The following EPS15 variants were observed in gnomAD, a reference collection of about 807,000 sequenced individuals.
The protein encoded by EPS15 is epidermal growth factor receptor substrate 15.
EPS15 carries 72 observed loss-of-function variants against 113.8 expected under a neutral mutation model. The ratio of observed to expected loss-of-function variants is 0.63; its 90% confidence interval spans 0.52 to 0.77. The LOEUF is 0.77. Ranked by LOEUF, EPS15 falls within the 30% of genes least tolerant of loss-of-function variation. The probability of loss-of-function intolerance (pLI) is 0.00; values close to 1 mark genes in which losing one functional copy is unlikely to be tolerated. For synonymous variants in EPS15, 344 were observed against 363.4 expected (o/e 0.95, Z 0.61); for missense variants, 1,048 against 1,045.8 (o/e 1.00, Z -0.03).
chr1:51,518,914 T>A (rs1644784486), intron 1 of EPS15, among the ~76,000 whole-genome samples: 1 of 151,216 alleles, frequency 6.6e-6, no homozygotes, highest in Non-Finnish European at 1.5e-5. Flanking sequence ...CGCGGCCGGG[T>A]CACAGTCCAC....
In EPS15 at chr1:51,481,326, ACATT is replaced by A. The variant is rs1376853733; in HGVS notation, c.34-16_34-13del. 1 of 1,132,332 alleles carries A rather than the reference ACATT, an allele frequency of 8.8e-7. No homozygotes were observed. The highest frequency in any genetic ancestry group is 2.4e-5 in the East Asian group (1 of 42,170). 70.1% of individuals were successfully genotyped at this position (1,132,332 alleles called of 1,614,324 possible). Reference sequence around the variant, plus strand: ...TTCCCACTTGATAACTGAAATAAACACATTAATAAAAATTAGATGCTATTCATTA... The same window carrying A: ...TTCCCACTTGATAACTGAAATAAACAAATAAAAATTAGATGCTATTCATTA... On this transcript the variant is annotated splice_polypyrimidine_tract_variant and intron_variant, in intron 1 of 24. Transcript: ENST00000371733.
chr1:51,466,291 T>C (rs956639950), intron 5 of EPS15, among the ~76,000 whole-genome samples: 1 of 151,832 alleles, frequency 6.6e-6, no homozygotes, highest in South Asian at 2.1e-4. Context: ...CTGTATTGAC[T>C]ATACTTTCTG....
In EPS15 at chr1:51,408,173, G is replaced by C. The variant is rs1222302225; in HGVS notation, c.1435C>G (p.Gln479Glu). The C allele has an allele frequency of 6.2e-7, 1 of 1,614,158 alleles. No individual in the cohort carries two copies. Among genetic ancestry groups the C allele is most frequent in the Non-Finnish European group, 8.5e-7 (1 of 1,180,002 alleles). ...ESGKAQLEPL[Q>E]QHLQDSQQEI... ...TGTTGTGAATCTTGTAGGTGCTGCTGAAGAGGTTCCAACTGAGCCTTCCCT... is the reference window on the plus strand; with the variant it reads ...TGTTGTGAATCTTGTAGGTGCTGCTCAAGAGGTTCCAACTGAGCCTTCCCT... The change falls in exon 15 of 25, where the codon CAG becomes GAG. Residue 479 changes from glutamine to glutamate, a missense_variant. Gln to Glu is a conservative substitution (Grantham distance 29). Transcript: ENST00000371733.
chr1:51,519,157 G>A (rs964705781), intron 1 of EPS15, 42 bp downstream of exon 1: 7 of 1,387,720 alleles, frequency 5.0e-6, no homozygotes, highest in Non-Finnish European at 6.7e-6. Context: ...GGGGGAGGGG[G>A]CACCGGCCGG....
intron 2 of EPS15, among the ~76,000 whole-genome samples, chr1:51,476,643 A>G (rs1180543147): frequency 6.6e-6 from 1 of 152,112 alleles, no homozygotes; most frequent in African/African-American, 2.4e-5. Context: ...CTTTTCAAAA[A>G]ACCAGCTCCT....
intron 3 of EPS15, among the ~76,000 whole-genome samples, chr1:51,472,295 A>C (rs193226627): frequency 2.6e-5 from 4 of 152,306 alleles, no homozygotes; most frequent in African/African-American, 4.8e-5. Flanking sequence ...TTTCTACTAG[A>C]ATGTACATAC....
chr1:51,451,815 A>G (rs1263224908), intron 8 of EPS15, among the ~76,000 whole-genome samples: 1 of 152,184 alleles, frequency 6.6e-6, no homozygotes, highest in Non-Finnish European at 1.5e-5. Flanking sequence ...CTTTTAGCAT[A>G]TGAAATCACT....
At chr1:51,419,235 G>A (rs1447298263) in intron 13 of EPS15, among the ~76,000 whole-genome samples, 2 of 152,122 alleles carry the variant, frequency 1.3e-5, no homozygotes, top group East Asian at 3.9e-4. Context: ...AGCTAACAGT[G>A]ATCATCTCAT....
intron 1 of EPS15, 23 bp downstream of exon 1, chr1:51,519,176 G>A: frequency 7.0e-7 from 1 of 1,435,756 alleles, no homozygotes. Flanking sequence ...GGCCAAGCCC[G>A]GCGGACGGGC....
intron 23 of EPS15, 76 bp downstream of exon 23, chr1:51,363,790 A>C (rs1646442825): frequency 7.3e-7 from 1 of 1,366,128 alleles, no homozygotes; most frequent in Non-Finnish European, 9.9e-7. Flanking sequence ...CCATTTATAT[A>C]AGTAAGTTCC....
chr1:51,390,338 G>C (rs553131174), intron 21 of EPS15, among the ~76,000 whole-genome samples: 92 of 152,070 alleles, frequency 6.0e-4, no homozygotes, highest in African/African-American at 2.1e-3. Flanking sequence ...AGACTTAAAC[G>C]TTAGACCTAA....
intron 1 of EPS15, among the ~76,000 whole-genome samples, chr1:51,495,326 AAG>A (rs1644306071): frequency 6.6e-6 from 1 of 151,954 alleles, no homozygotes; most frequent in South Asian, 2.1e-4. Flanking sequence ...AAAACTGACA[AAG>A]TGAGTTTTAT....
chr1:51,356,762 G>C lies in EPS15; in HGVS notation c.2629C>G (p.Gln877Glu), dbSNP rs899354361. Reference protein sequence around the residue: ...EEQRLARLNQQEQEDLELAIA... With the variant: ...EEQRLARLNQEEQEDLELAIA... ...GCCAGTTCTAAGTCTTCTTGTTCCT[G>C]CTGATTTAGTCGGGCAAGCCTCTGC... The change falls in exon 25 of 25, where the codon CAG (glutamine) becomes GAG (glutamate). Residue 877 changes from glutamine to glutamate, a missense_variant. By Grantham distance (29) the Gln-to-Glu change is conservative (BLOSUM62 2). Coordinates refer to ENST00000371733, the MANE Select transcript of EPS15 (RefSeq NM_001981.3). 3 of 1,613,684 alleles carry C rather than the reference G, an allele frequency of 1.9e-6. No homozygotes were observed. Among genetic ancestry groups the C allele is most frequent in the Non-Finnish European group, 1.7e-6 (2 of 1,179,738 alleles).
At chr1:51,428,363 A>G (rs1028244432) in intron 12 of EPS15, among the ~76,000 whole-genome samples, 2 of 152,224 alleles carry the variant, frequency 1.3e-5, no homozygotes, top group Admixed American at 1.3e-4. Flanking sequence ...TATTACTGTA[A>G]TTTTTGTTTA....
intron 24 of EPS15, 145 bp from the exon 25 acceptor site, chr1:51,356,991 A>C: frequency 1.6e-6 from 1 of 638,446 alleles, no homozygotes; most frequent in South Asian, 2.1e-5. Context: ...TTTCCCCCTG[A>C]AAACATGTTT....
chr1:51,459,749 A>T (rs577183395), intron 8 of EPS15, among the ~76,000 whole-genome samples: 1 of 152,088 alleles, frequency 6.6e-6, no homozygotes, highest in African/African-American at 2.4e-5. Context: ...AACCACTTTA[A>T]AATTAGGAAA....
At chr1:51,405,314 A>G (rs1648991954) in intron 16 of EPS15, among the ~76,000 whole-genome samples, 1 of 152,240 alleles carries the variant, frequency 6.6e-6, no homozygotes, top group Admixed American at 6.5e-5. Context: ...AACACTACGT[A>G]ATAAAAATAA....
rs557960974 is a variant in EPS15 at position 51,509,842 on chromosome 1, A to G, written c.33+9357T>C. ...ATAGGAAGATGTAGTAGCCTACAACATATGTTCAGCTATAACCAAGGAATG... is the reference window on the plus strand; with the variant it reads ...ATAGGAAGATGTAGTAGCCTACAACGTATGTTCAGCTATAACCAAGGAATG... On this transcript the variant is annotated intron_variant, in intron 1 of 24. Transcript: ENST00000371733. Among the ~76,000 whole-genome samples, 76 of 152,314 alleles carry G rather than the reference A, an allele frequency of 5.0e-4. 1 individual carries two copies. In the South Asian group the frequency reaches 9.7e-3, roughly 19 times the overall value.
chr1:51,483,411 G>A, intron 1 of EPS15, among the ~76,000 whole-genome samples: 1 of 135,824 alleles, frequency 7.4e-6, no homozygotes, highest in Non-Finnish European at 1.6e-5. Flanking sequence ...GTGTGTGTGT[G>A]TGTGTGTGTG....
Sources: allele counts gnomAD v4.1 joint callset (sites outside exome capture counted in the v4.1 genomes callset), GRCh38; gene constraint gnomAD v4.1.1; transcripts MANE v1.5; gene names NCBI Gene and HGNC (gene_info 2026-07-23, HGNC 2026-07-21).